The following GPAT3 variants were observed in gnomAD, a reference collection of about 807,000 sequenced individuals.
The protein encoded by GPAT3 is glycerol-3-phosphate acyltransferase 3.
Under a neutral mutation model 58.8 loss-of-function variants are expected in GPAT3, and 53 were observed. That is an observed-to-expected ratio of 0.90 (90% CI 0.72 to 1.13). The LOEUF is 1.13. Ranked by LOEUF, GPAT3 falls within the 50% of genes most tolerant of loss-of-function variation. The pLI, the probability that GPAT3 is intolerant of heterozygous loss-of-function variation, is 0.00. For synonymous variants in GPAT3, 197 were observed against 187.4 expected (o/e 1.05, Z -0.42); for missense variants, 511 against 527.6 (o/e 0.97, Z 0.31).
chr4:83,594,416 G>A (rs765220897), intron 6 of GPAT3, among the ~76,000 whole-genome samples: 1 of 152,158 alleles, frequency 6.6e-6, no homozygotes, highest in Non-Finnish European at 1.5e-5. Context: ...TGTAGATGTT[G>A]CCAAATTTCT....
Position 83,598,675 on chromosome 4 carries a change from G to A in GPAT3, c.1157G>A (p.Arg386Lys), listed in dbSNP as rs62303973. The change falls in exon 11 of 12, where the codon AGG (arginine) becomes AAG (lysine). Residue 386 changes from arginine (R) to lysine (K), a missense_variant. Arg to Lys is a conservative substitution (Grantham distance 26, BLOSUM62 2). Transcript: ENST00000264409. ...GAAGATGCAGTCCAGTTTGCTAACAGGGTTAAGTCTGCTATTGCTATACAA... is the reference window on the plus strand; with the variant it reads ...GAAGATGCAGTCCAGTTTGCTAACAAGGTTAAGTCTGCTATTGCTATACAA... ...EGEDAVQFAN[R>K]VKSAIAIQGG... 0.055 allele frequency: 86,438 copies of A among 1,562,576 alleles called. 2,729 individuals carry two copies. The highest frequency in any genetic ancestry group is 0.065 in the Middle Eastern group (380 of 5,826).
At chr4:83,599,029 C>T (rs530606472) in intron 11 of GPAT3, among the ~76,000 whole-genome samples, 1 of 151,980 alleles carries the variant, frequency 6.6e-6, no homozygotes, top group Admixed American at 6.6e-5. Context: ...ACTTGAACTC[C>T]TGCCTAAGCC....
chr4:83,536,459 G>A lies in GPAT3; in HGVS notation c.-164G>A, dbSNP rs1724092181. On this transcript the variant is annotated 5_prime_UTR_variant, in exon 1 of 12. Transcript: ENST00000264409. The stretch of plus-strand genomic sequence containing the variant: ...AGCCCAGGGAGGAAGGAAGGATATT[G>A]CCGTAATTCTGAAAGTTTTTTTCCT... 7.6e-6 allele frequency: 11 copies of A among 1,438,810 alleles called. No homozygotes were observed. Among genetic ancestry groups the A allele is most frequent in the Non-Finnish European group, 1.0e-5 (11 of 1,102,322 alleles). 89.1% of individuals were successfully genotyped at this position (1,438,810 alleles called of 1,614,324 possible). A position where few individuals can be genotyped will look rare whatever the true frequency, so the allele number is the denominator to read the frequency against.
chr4:83,592,953 G>A (rs1238013189), intron 6 of GPAT3, among the ~76,000 whole-genome samples: 2 of 151,158 alleles, frequency 1.3e-5, no homozygotes, highest in East Asian at 3.9e-4. Flanking sequence ...TGCAACCTCC[G>A]CCTCCCAGGT....
intron 3 of GPAT3, among the ~76,000 whole-genome samples, chr4:83,584,706 A>G (rs904836128): frequency 2.0e-5 from 3 of 152,180 alleles, no homozygotes; most frequent in Non-Finnish European, 2.9e-5. Flanking sequence ...GGGTTTCACC[A>G]TGTTGGCCAG....
At chr4:83,579,890 A>G (rs185059029) in intron 2 of GPAT3, among the ~76,000 whole-genome samples, 1 of 152,312 alleles carries the variant, frequency 6.6e-6, no homozygotes, top group East Asian at 1.9e-4. Flanking sequence ...TCTTTCCGGG[A>G]TAGGTAATAC....
chr4:83,547,246 CTTTTTTTTTT>C (rs10618385), intron 2 of GPAT3, among the ~76,000 whole-genome samples: 171 of 82,218 alleles, frequency 2.1e-3, no homozygotes, highest in Admixed American at 2.9e-3. Context: ...TTCTACTGCT[CTTTTTTTTTT>C]TTTTTTTTTT....
At chr4:83,581,095 CAAAAAAAAA>C (rs35894737) in intron 2 of GPAT3, among the ~76,000 whole-genome samples, 41 of 70,254 alleles carry the variant, frequency 5.8e-4, no homozygotes, top group Non-Finnish European at 6.5e-4. Context: ...GACTCCGTCT[CAAAAAAAAA>C]AAAAAAAAAA....
Position 83,536,792 on chromosome 4 carries a change from C to G in GPAT3, c.141+29C>G, listed in dbSNP as rs759506926. ...AGTGCCGGGAGGGATGCAGCCAGCC[C>G]CACACCGCTGCGGGCTGAGAACCCG... On this transcript the variant is annotated intron_variant, in intron 1 of 11. Coordinates refer to ENST00000264409, the MANE Select transcript of GPAT3 (RefSeq NM_032717.5). The G allele has an allele frequency of 1.9e-6, 3 of 1,582,554 alleles. No homozygotes were observed. In the South Asian group the frequency reaches 3.4e-5, roughly 18 times the overall value.
At chr4:83,549,238 G>C (rs1403667415) in intron 2 of GPAT3, among the ~76,000 whole-genome samples, 1 of 151,354 alleles carries the variant, frequency 6.6e-6, no homozygotes, top group Non-Finnish European at 1.5e-5. Flanking sequence ...ATTTTTGATA[G>C]TTTAAATTAG....
chr4:83,551,520 G>T (rs904576888), intron 2 of GPAT3, among the ~76,000 whole-genome samples: 1 of 152,010 alleles, frequency 6.6e-6, no homozygotes, highest in Non-Finnish European at 1.5e-5. Context: ...TGGGCTGGGC[G>T]CAGTGGCTCA....
At chr4:83,538,751 G>A (rs1448956139) in intron 1 of GPAT3, among the ~76,000 whole-genome samples, 3 of 152,132 alleles carry the variant, frequency 2.0e-5, no homozygotes, top group East Asian at 1.9e-4. Context: ...TTTAATTTTT[G>A]TCCTTCTGGA....
At chr4:83,578,847 A>C (rs1725914938) in intron 2 of GPAT3, among the ~76,000 whole-genome samples, 1 of 149,804 alleles carries the variant, frequency 6.7e-6, no homozygotes, top group African/African-American at 2.5e-5. Context: ...ATCATTCAAG[A>C]ACTTACTTTT....
At chr4:83,561,759 A>G (rs1725133585) in intron 2 of GPAT3, among the ~76,000 whole-genome samples, 1 of 151,920 alleles carries the variant, frequency 6.6e-6, no homozygotes, top group African/African-American at 2.4e-5. Flanking sequence ...GCATTTTGTA[A>G]TTGAGGAAGA....
At chr4:83,542,571 T>G (rs1233726048) in intron 1 of GPAT3, among the ~76,000 whole-genome samples, 1 of 152,246 alleles carries the variant, frequency 6.6e-6, no homozygotes, top group Non-Finnish European at 1.5e-5. Flanking sequence ...CTCCCTGACC[T>G]TGATGTACGT....
At chr4:83,548,108 C>T (rs1209626645) in intron 2 of GPAT3, among the ~76,000 whole-genome samples, 1 of 152,194 alleles carries the variant, frequency 6.6e-6, no homozygotes, top group East Asian at 1.9e-4. Flanking sequence ...AGTTACCCTT[C>T]TACCCTAGTT....
chr4:83,575,999 G>A (rs1049728467), intron 2 of GPAT3, among the ~76,000 whole-genome samples: 3 of 152,082 alleles, frequency 2.0e-5, no homozygotes, highest in East Asian at 1.9e-4. Context: ...ATCTTGATGC[G>A]TATTTTCATA....
intron 2 of GPAT3, among the ~76,000 whole-genome samples, chr4:83,551,846 A>ATCTG (rs1264591845): frequency 2.0e-5 from 3 of 149,500 alleles, no homozygotes; most frequent in Non-Finnish European, 4.4e-5. Context: ...CTATCTATCT[A>ATCTG]TCTGAAGCAA....
chr4:83,575,610 T>G (rs1725783701), intron 2 of GPAT3, among the ~76,000 whole-genome samples: 3 of 151,910 alleles, frequency 2.0e-5, no homozygotes, highest in Non-Finnish European at 2.9e-5. Flanking sequence ...GAGACGGGGT[T>G]TCACTGTGTT....
Sources: allele counts gnomAD v4.1 joint callset (sites outside exome capture counted in the v4.1 genomes callset), GRCh38; gene constraint gnomAD v4.1.1; transcripts MANE v1.5; gene names NCBI Gene and HGNC (gene_info 2026-07-23, HGNC 2026-07-21).